The following ZP3 variants were observed in gnomAD, a reference collection of about 807,000 sequenced individuals.
The protein encoded by ZP3 is zona pellucida sperm-binding protein 3.
A neutral mutation model predicts 35.6 loss-of-function variants in ZP3; 21 were observed. The ratio of observed to expected loss-of-function variants is 0.59; its 90% CI spans 0.42 to 0.85. ZP3 has a LOEUF of 0.85. Ranked by LOEUF, ZP3 falls within the 40% of genes least tolerant of loss-of-function variation. The pLI is 0.00. For synonymous variants in ZP3, 207 were observed against 214.5 expected (o/e 0.96, Z 0.31); for missense variants, 437 against 536.5 (o/e 0.81, Z 1.83).
upstream of ZP3, among the ~76,000 whole-genome samples, chr7:76,423,025 G>GAGAGAGAA (rs1278384225): frequency 1.6e-3 from 123 of 75,830 alleles, 1 homozygote; most frequent in Middle Eastern, 0.013. Context: ...GAGAGAGAGA[G>GAGAGAGAA]AGAAAGAAAG....
chr7:76,422,416 C>T (rs1329922207), upstream of ZP3, among the ~76,000 whole-genome samples: 2 of 152,026 alleles, frequency 1.3e-5, no homozygotes, highest in Non-Finnish European at 2.9e-5. Flanking sequence ...CGGTGGCTCA[C>T]GCCTATAATC....
At chr7:76,438,667 C>T (rs1378482683) in intron 5 of ZP3, among the ~76,000 whole-genome samples, 2 of 146,480 alleles carry the variant, frequency 1.4e-5, no homozygotes, top group Admixed American at 1.4e-4. Flanking sequence ...ACTTGTCTAA[C>T]GAGGGTGGGT....
Position 76,430,431 on chromosome 7 carries a change from T to C in ZP3, c.431+798T>C, listed in dbSNP as rs80324327. ...CTTTGTCCCTGCCCTTGAACCAGTCTGGGAGTGGGTATAAGATGATGCGGC... is the reference window on the plus strand; with the variant it reads ...CTTTGTCCCTGCCCTTGAACCAGTCCGGGAGTGGGTATAAGATGATGCGGC... On this transcript the variant is annotated intron_variant, in intron 2 of 7. Transcript: ENST00000394857. Among the ~76,000 whole-genome samples the C allele has an allele frequency of 6.6e-4, 100 of 152,128 alleles. 1 individual carries two copies. Among genetic ancestry groups the C allele is most frequent in the African/African-American group, 2.2e-3 (93 of 41,516 alleles).
chr7:76,425,422 C>T lies in ZP3; in HGVS notation c.312+146C>T, dbSNP rs570641704. 117 of 880,548 alleles carry T rather than the reference C, an allele frequency of 1.3e-4. No homozygotes were observed. The African/African-American group carries it at 1.6e-3, about 12-fold the overall frequency. 54.5% of individuals were successfully genotyped at this position (880,548 alleles called of 1,614,324 possible). On this transcript the variant is annotated intron_variant, in intron 1 of 7. Transcript: ENST00000394857. ...GAGGTGGCCCAGTTGAGGCCTGAAG[C>T]TGGCACTGAGGTCACCGGACCCAGG...
rs1805920423 is a variant in ZP3, at chr7:76,434,162, G to C, written c.831+7G>C. ...TAATGACTCCAGAAACATGGTAAGA[G>C]CTTTAACAGCCTGAAAGAAGGCTGA... On this transcript the variant is annotated splice_region_variant and intron_variant, in intron 5 of 7. Transcript: ENST00000394857. 1 of 1,162,714 alleles carries C rather than the reference G, an allele frequency of 8.6e-7. No individual in the cohort carries two copies. Among genetic ancestry groups the C allele is most frequent in the Non-Finnish European group, 1.2e-6 (1 of 814,102 alleles). The allele number at this position is 1,162,714 out of a possible 1,614,324, so 72.0% of individuals were successfully genotyped here.
intron 1 of ZP3, among the ~76,000 whole-genome samples, chr7:76,405,740 C>T (rs182057076): frequency 2.0e-5 from 3 of 152,050 alleles, no homozygotes; most frequent in Non-Finnish European, 4.4e-5. Context: ...CATGAGGAGT[C>T]GGTCATGGCT....
intron 7 of ZP3, among the ~76,000 whole-genome samples, chr7:76,441,157 G>A (rs1014182668): frequency 4.0e-5 from 6 of 151,472 alleles, no homozygotes; most frequent in Non-Finnish European, 4.4e-5. Context: ...GGCAACAAGA[G>A]TAAAACTGTC....
At chr7:76,405,761 A>T (rs1293004970) in intron 1 of ZP3, among the ~76,000 whole-genome samples, 2 of 151,870 alleles carry the variant, frequency 1.3e-5, no homozygotes, top group Non-Finnish European at 2.9e-5. Flanking sequence ...GTAGCTGAGG[A>T]TGTGTGAAGA....
At position 76,425,290 on chromosome 7, in the gene ZP3, G is replaced by C. The variant is rs776911051; in HGVS notation, c.312+14G>C. The C allele has an allele frequency of 5.8e-5, 93 of 1,590,822 alleles. No homozygotes were observed. Among genetic ancestry groups the C allele is most frequent in the Non-Finnish European group, 7.6e-5 (89 of 1,167,522 alleles). ...AACAGCATGCAGGTAAGAGAGGCTG[G>C]GGGCCCTGGCTTTGGTGGGAGGATG... On this transcript the variant is annotated intron_variant, in intron 1 of 7. Transcript: ENST00000394857.
chr7:76,423,962 G>A (rs923094166), upstream of ZP3, among the ~76,000 whole-genome samples: 2 of 151,916 alleles, frequency 1.3e-5, no homozygotes, highest in African/African-American at 4.8e-5. Context: ...AATGAAGAAC[G>A]CAGGGCCCCT....
upstream of ZP3, among the ~76,000 whole-genome samples, chr7:76,423,025 G>GAGAAAGAAAGAAAGAAAGAA (rs200948956): frequency 5.3e-4 from 40 of 75,824 alleles, no homozygotes; most frequent in Non-Finnish European, 7.9e-4. Flanking sequence ...GAGAGAGAGA[G>GAGAAAGAAAGAAAGAAAGAA]AGAAAGAAAG....
At chr7:76,400,601 G>T (rs1299790558) in intron 1 of ZP3, 2 of 1,445,228 alleles carry the variant, frequency 1.4e-6, no homozygotes, top group Non-Finnish European at 1.8e-6. Context: ...TCTGTGAAGA[G>T]GGTGGAGCTG....
At chr7:76,400,374 C>A in intron 1 of ZP3, 1 of 1,589,822 alleles carries the variant, frequency 6.3e-7, no homozygotes, top group Admixed American at 1.8e-5. Context: ...CAGCTTCCTG[C>A]CCGCGGCACT....
At chr7:76,406,518 C>G (rs1214805381) in intron 1 of ZP3, among the ~76,000 whole-genome samples, 1 of 151,928 alleles carries the variant, frequency 6.6e-6, no homozygotes, top group African/African-American at 2.4e-5. Flanking sequence ...GGGTCTCACT[C>G]TGTCACCCAG....
chr7:76,424,424 T>C (rs1400450390), upstream of ZP3, among the ~76,000 whole-genome samples: 1 of 152,106 alleles, frequency 6.6e-6, no homozygotes, highest in Non-Finnish European at 1.5e-5. Context: ...AGGTCAGGAC[T>C]TCAAGACCAG....
chr7:76,434,651 A>G (rs532304954), intron 5 of ZP3, among the ~76,000 whole-genome samples: 1 of 145,264 alleles, frequency 6.9e-6, no homozygotes, highest in Non-Finnish European at 1.5e-5. Context: ...AAAAAAAAAA[A>G]AGGCAGGTGT....
intron 1 of ZP3, 58 bp from the exon 2 acceptor site, chr7:76,429,457 C>CT (rs1763698619): frequency 9.0e-6 from 14 of 1,557,024 alleles, no homozygotes; most frequent in Non-Finnish European, 1.2e-5. Flanking sequence ...TCAGGTATGG[C>CT]TTGGGAGTAC....
At chr7:76,413,743 T>C (rs780315754) in intron 1 of ZP3, among the ~76,000 whole-genome samples, 8 of 151,878 alleles carry the variant, frequency 5.3e-5, no homozygotes, top group South Asian at 4.2e-4. Flanking sequence ...CATAGCTCAT[T>C]GCAGTTGCGA....
intron 1 of ZP3, among the ~76,000 whole-genome samples, chr7:76,411,700 A>G (rs1253417255): frequency 6.6e-6 from 1 of 152,160 alleles, no homozygotes; most frequent in Non-Finnish European, 1.5e-5. Flanking sequence ...TGCTGATGGG[A>G]ATGTAAAATG....
Sources: gnomAD v4.1 joint callset for allele counts (sites outside exome capture counted in the v4.1 genomes callset) on GRCh38, gnomAD v4.1.1 for gene constraint, MANE v1.5 for transcripts, NCBI Gene and HGNC (gene_info 2026-07-23, HGNC 2026-07-21) for gene names.